The following SMURF1 variants were observed in gnomAD, a reference collection of about 807,000 sequenced individuals.
SMURF1 encodes the protein E3 ubiquitin-protein ligase SMURF1.
In SMURF1, 44 loss-of-function variants were observed where a neutral mutation model predicts 98.0. The observed-to-expected ratio is 0.45, with a 90% CI of 0.35 to 0.58. The LOEUF is 0.58. SMURF1 is among the 20% of genes least tolerant of loss of function. The pLI is 0.00. For missense variants in SMURF1, 687 were observed against 938.4 expected, an observed-to-expected ratio of 0.73 and a Z score of 3.50; for synonymous variants, 396 against 374.9, an observed-to-expected ratio of 1.06 and a Z score of -0.65.
At chr7:99,072,604 T>C (rs191774040) in intron 1 of SMURF1, among the ~76,000 whole-genome samples, 7 of 152,174 alleles carry the variant, frequency 4.6e-5, no homozygotes, top group East Asian at 1.9e-4. Context: ...GATTCTGCCA[T>C]TGGACTCCAG....
chr7:99,031,189 A>C (rs1029703808), intron 17 of SMURF1, among the ~76,000 whole-genome samples: 3 of 152,194 alleles, frequency 2.0e-5, no homozygotes, highest in Admixed American at 6.5e-5. Flanking sequence ...CTAACGATGT[A>C]CTGCGTGTCT....
intron 11 of SMURF1, among the ~76,000 whole-genome samples, chr7:99,042,485 G>T (rs1473992527): frequency 6.6e-6 from 1 of 152,206 alleles, no homozygotes; most frequent in East Asian, 1.9e-4. Flanking sequence ...ATGTTGGCCA[G>T]GGTGGCCTCG....
intron 1 of SMURF1, among the ~76,000 whole-genome samples, chr7:99,108,593 T>C (rs1340281598): frequency 3.6e-5 from 3 of 84,046 alleles, no homozygotes; most frequent in East Asian, 3.6e-4. Context: ...GCCTGGGCAA[T>C]AGAGAGAAAC....
Position 99,030,489 on chromosome 7 carries a change from T to C in SMURF1, c.*95A>G, listed in dbSNP as rs1322252206. The C allele has an allele frequency of 3.9e-6, 4 of 1,031,790 alleles. No homozygotes were observed. The African/African-American group carries it at 6.3e-5, about 16-fold the overall frequency. The allele number at this position is 1,031,790 out of a possible 1,614,324, so 63.9% of individuals were successfully genotyped here. A position where few individuals can be genotyped will look rare whatever the true frequency, so the allele number is the denominator to read the frequency against. On this transcript the variant is annotated 3_prime_UTR_variant, in exon 18 of 18. Coordinates refer to ENST00000361368, the MANE Select transcript of SMURF1 (RefSeq NM_181349.3). ...CCTTTCCCCTCAGGTGATCTGGAAT[T>C]CCAGGGCCTCTGCCAGCTTTGCAGG...
chr7:99,091,716 G>A lies in SMURF1; in HGVS notation c.56-29879C>T, dbSNP rs114870352. On this transcript the variant is annotated intron_variant, in intron 1 of 17. Coordinates refer to ENST00000361368, the MANE Select transcript of SMURF1 (RefSeq NM_181349.3). The stretch of plus-strand genomic sequence containing the variant: ...CTAGTCTTATAATTTTTTTTTAAAC[G>A]TCTTTTCATCCCAAGATTAGTCAGT... 7.3e-3 allele frequency among the ~76,000 whole-genome samples: 1,106 copies of A among 151,920 alleles called. 16 individuals are homozygous for A. The highest frequency in any genetic ancestry group is 0.025 in the African/African-American group (1,017 of 41,444).
chr7:99,031,755 C>G (rs1794896168), intron 17 of SMURF1, among the ~76,000 whole-genome samples: 1 of 152,140 alleles, frequency 6.6e-6, no homozygotes, highest in Non-Finnish European at 1.5e-5. Flanking sequence ...GTCACTTGCC[C>G]CAAATCACAT....
rs1389018941 is a variant in SMURF1, at chr7:99,040,491, G to A, written c.1437C>T (p.Tyr479=). 4 of 1,588,228 alleles carry A rather than the reference G, an allele frequency of 2.5e-6. No individual in the cohort carries two copies. Among genetic ancestry groups the A allele is most frequent in the Non-Finnish European group, 3.4e-6 (4 of 1,167,206 alleles). The change falls in exon 13 of 18, where the codon TAC becomes TAT. Residue 479 remains tyrosine (Y), a synonymous_variant. Coordinates refer to ENST00000361368, the MANE Select transcript of SMURF1 (RefSeq NM_181349.3). ...AGGGCACTGTGAAGCCCCCGTTGAT[G>A]TAGTGTCCATGGAACACAGCCAGCC... ...IMGLAVFHGH[Y]INGGFTVPFY... is the part of the protein sequence containing the mutation.
At chr7:99,058,966 C>T (rs1795951525) in intron 3 of SMURF1, among the ~76,000 whole-genome samples, 1 of 152,178 alleles carries the variant, frequency 6.6e-6, no homozygotes, top group Admixed American at 6.5e-5. Flanking sequence ...TACCTGTAAT[C>T]CCAGCTACTC....
At chr7:99,090,241 G>A (rs950119308) in intron 1 of SMURF1, among the ~76,000 whole-genome samples, 4 of 152,180 alleles carry the variant, frequency 2.6e-5, no homozygotes, top group African/African-American at 9.7e-5. Flanking sequence ...AAACTCTAAG[G>A]TGTTTAGAGA....
chr7:99,143,605 G>T, intron 1 of SMURF1, 121 bp downstream of exon 1: 4 of 788,888 alleles, frequency 5.1e-6, no homozygotes, highest in Non-Finnish European at 7.5e-6. Context: ...GCCGAAGGGG[G>T]TGACGAGGTC....
intron 1 of SMURF1, among the ~76,000 whole-genome samples, chr7:99,085,481 A>G (rs985246495): frequency 6.6e-6 from 1 of 152,050 alleles, no homozygotes. Context: ...TCTTTTCTTT[A>G]TAAATTACCC....
intron 1 of SMURF1, chr7:99,121,188 A>G (rs1797609077): frequency 6.9e-6 from 1 of 144,234 alleles, no homozygotes; most frequent in Admixed American, 7.3e-5. Context: ...AAATATGTCA[A>G]TTTAGACCTT....
intron 3 of SMURF1, among the ~76,000 whole-genome samples, chr7:99,059,407 T>A (rs1635989): frequency 0.16 from 3,852 of 24,192 alleles, 580 homozygotes; most frequent in African/African-American, 0.35. Context: ...CAAAAAAAAA[T>A]AAAATAAAAT....
chr7:99,035,794 C>A, intron 15 of SMURF1, 78 bp from the exon 16 acceptor site: 2 of 1,407,252 alleles, frequency 1.4e-6, no homozygotes, highest in South Asian at 1.3e-5. Flanking sequence ...GTACCCGACA[C>A]ACAACAGTGA....
At chr7:99,132,699 GACACAC>G (rs113194877) in intron 1 of SMURF1, among the ~76,000 whole-genome samples, 26 of 147,400 alleles carry the variant, frequency 1.8e-4, no homozygotes, top group Middle Eastern at 3.5e-3. Context: ...CAGACACACG[GACACAC>G]ACACACACAC....
intron 15 of SMURF1, 94 bp from the exon 16 acceptor site, chr7:99,035,810 C>G: frequency 1.6e-6 from 2 of 1,254,920 alleles, no homozygotes; most frequent in East Asian, 5.1e-5. Context: ...AGTGAAAAGT[C>G]GATTCCCAAG....
At position 99,038,410 on chromosome 7, in the gene SMURF1, C is replaced by T. The variant is rs779526166; in HGVS notation, c.1666G>A (p.Glu556Lys). 6 of 1,614,212 alleles carry T rather than the reference C, an allele frequency of 3.7e-6. No individual in the cohort carries two copies. The highest frequency in any genetic ancestry group is 1.1e-5 in the South Asian group (1 of 91,084). ...TACCGGACGTATTCTTTCTTATTCTCCTCTGTGACTGGCACATTTCTGCCA... is the reference window on the plus strand; with the variant it reads ...TACCGGACGTATTCTTTCTTATTCTTCTCTGTGACTGGCACATTTCTGCCA... ...PNGRNVPVTE[E>K]NKKEYVRLYV... The change falls in exon 14 of 18, where the codon GAG becomes AAG. Residue 556 changes from glutamate (E) to lysine (K), a missense_variant. By Grantham distance (56) the Glu-to-Lys change is moderately conservative. Transcript: ENST00000361368.
chr7:99,078,883 G>A (rs1415362650), intron 1 of SMURF1, among the ~76,000 whole-genome samples: 2 of 152,190 alleles, frequency 1.3e-5, no homozygotes, highest in South Asian at 2.1e-4. Flanking sequence ...GAAATAAAGT[G>A]CACTATAAAT....
rs369093275 is a variant in SMURF1 at position 99,048,336 on chromosome 7, C to T, written c.954-454G>A. On this transcript the variant is annotated intron_variant, in intron 9 of 17. Transcript: ENST00000361368. ...CCCGGGAGGCAGAGGTTGCAGTGAG[C>T]TGAGATTGCGCCACTGCCCTCCAGC... 5 of 167,188 alleles carry T rather than the reference C, an allele frequency of 3.0e-5. No homozygotes were observed. The South Asian group carries it at 7.6e-4, about 25-fold the overall frequency. The allele number at this position is 167,188 out of a possible 1,614,324, so 10.4% of individuals were successfully genotyped here.
Sources: gnomAD v4.1 joint callset for allele counts (sites outside exome capture counted in the v4.1 genomes callset) on GRCh38, gnomAD v4.1.1 for gene constraint, MANE v1.5 for transcripts, NCBI Gene and HGNC (gene_info 2026-07-23, HGNC 2026-07-21) for gene names.